DPYD: variants seen among roughly 807,000 people sequenced by gnomAD.
DPYD encodes the protein dihydropyrimidine dehydrogenase [NADP(+)].
Under a neutral mutation model 116.2 loss-of-function variants are expected in DPYD, and 109 were observed. The observed-to-expected ratio is 0.94, with a 90% confidence interval of 0.80 to 1.10. The LOEUF is 1.10. Among genes scored for constraint, DPYD ranks in the 50% least tolerant of loss-of-function variants. The pLI, the probability that DPYD is intolerant of heterozygous loss-of-function variation, is 0.00. For synonymous variants in DPYD, 440 were observed against 432.0 expected, an observed-to-expected ratio of 1.02 and a Z score of -0.23; for missense variants, 1,302 against 1,254.5, an observed-to-expected ratio of 1.04 and a Z score of -0.57.
chr1:97,381,910 C>T lies in DPYD; in HGVS notation c.1974+483G>A, dbSNP rs569333540. ...AGTGTTCCATTCAGGAGCATTCTGT[C>T]CCGCTCTTTTATGCATGTCTGTATT... On this transcript the variant is annotated intron_variant, in intron 15 of 22. Coordinates refer to ENST00000370192, the MANE Select transcript of DPYD (RefSeq NM_000110.4). Among the ~76,000 whole-genome samples the T allele has an allele frequency of 1.2e-3, 180 of 152,266 alleles. 1 individual carries two copies. The highest frequency in any genetic ancestry group is 4.2e-3 in the African/African-American group (176 of 41,558).
At chr1:97,486,607 C>T (rs1346767888) in intron 13 of DPYD, among the ~76,000 whole-genome samples, 1 of 152,118 alleles carries the variant, frequency 6.6e-6, no homozygotes, top group Non-Finnish European at 1.5e-5. Context: ...AATCCTTCAA[C>T]TTTAATGATT....
At chr1:97,495,646 T>A (rs1223350525) in intron 13 of DPYD, among the ~76,000 whole-genome samples, 2 of 152,044 alleles carry the variant, frequency 1.3e-5, no homozygotes, top group African/African-American at 4.8e-5. Context: ...ATGACACACA[T>A]CATTATCATT....
At chr1:97,905,605 A>G (rs951075601) in intron 1 of DPYD, among the ~76,000 whole-genome samples, 2 of 152,064 alleles carry the variant, frequency 1.3e-5, no homozygotes, top group Non-Finnish European at 2.9e-5. Flanking sequence ...GTCATTTGAC[A>G]TGATGTAGAG....
chr1:97,429,208 G>A (rs1349231425), intron 14 of DPYD, among the ~76,000 whole-genome samples: 5 of 151,982 alleles, frequency 3.3e-5, no homozygotes, highest in African/African-American at 1.2e-4. Flanking sequence ...AGTTAATGAA[G>A]AATTATCATT....
rs1343221643 is a variant in DPYD at position 97,232,674 on chromosome 1, T to C, written c.2442+2178A>G. 2.0e-5 allele frequency among the ~76,000 whole-genome samples: 3 copies of C among 152,182 alleles called. No homozygotes were observed. In the East Asian group the frequency reaches 5.8e-4, roughly 29 times the overall value. On this transcript the variant is annotated intron_variant, in intron 19 of 22. Transcript: ENST00000370192. ...ATCTTCTAGTTCACTGATTTTTTCT[T>C]CTGTTCTCTTATTTTACTATTGAGC...
intron 14 of DPYD, among the ~76,000 whole-genome samples, chr1:97,393,946 A>G (rs1457111088): frequency 2.0e-5 from 3 of 152,122 alleles, no homozygotes; most frequent in Admixed American, 1.3e-4. Context: ...TATCCTCTCC[A>G]GCACCTGTTG....
At chr1:97,872,135 T>C (rs1272009723) in intron 2 of DPYD, among the ~76,000 whole-genome samples, 1 of 151,882 alleles carries the variant, frequency 6.6e-6, no homozygotes, top group African/African-American at 2.4e-5. Context: ...TACTGACAAC[T>C]GAGCTCTTTG....
intron 12 of DPYD, among the ~76,000 whole-genome samples, chr1:97,541,446 C>T (rs1291144712): frequency 2.0e-5 from 3 of 151,974 alleles, no homozygotes; most frequent in Non-Finnish European, 4.4e-5. Flanking sequence ...GTATGATTCT[C>T]GAAGGTCTTG....
chr1:97,683,413 A>G (rs1660533901), intron 7 of DPYD, among the ~76,000 whole-genome samples: 1 of 151,806 alleles, frequency 6.6e-6, no homozygotes, highest in Non-Finnish European at 1.5e-5. Flanking sequence ...CCTCTATTAG[A>G]TATTTCATCT....
rs914014668 is a variant in DPYD, at chr1:97,426,179, A to G, written c.1905+23880T>C. Among the ~76,000 whole-genome samples the G allele has an allele frequency of 4.6e-5, 7 of 152,086 alleles. No homozygotes were observed. In the East Asian group the frequency reaches 1.2e-3, roughly 25 times the overall value. ...GAGGTACGAGGCAAGAGGTCATGAAATTGTTAAAAGTACACGTGGTGGGAG... is the reference window on the plus strand; with the variant it reads ...GAGGTACGAGGCAAGAGGTCATGAAGTTGTTAAAAGTACACGTGGTGGGAG... On this transcript the variant is annotated intron_variant, in intron 14 of 22. Transcript: ENST00000370192.
At position 97,349,579 on chromosome 1, in the gene DPYD, G is replaced by A. The variant is rs570387569; in HGVS notation, c.2058+23982C>T. 1.1e-4 allele frequency among the ~76,000 whole-genome samples: 16 copies of A among 152,112 alleles called. No individual in the cohort carries two copies. The South Asian group carries it at 3.3e-3, about 32-fold the overall frequency. The stretch of plus-strand genomic sequence containing the variant: ...TTCTCATTGTTCAATTCCCACCTAT[G>A]AGTGAGAAAATGCGGTGTTTGGTTT... On this transcript the variant is annotated intron_variant, in intron 16 of 22. Transcript: ENST00000370192.
intron 16 of DPYD, among the ~76,000 whole-genome samples, chr1:97,337,816 T>C (rs1288690788): frequency 6.6e-6 from 1 of 152,158 alleles, no homozygotes; most frequent in East Asian, 1.9e-4. Context: ...TTTAACTATG[T>C]TAACATTTAT....
intron 5 of DPYD, among the ~76,000 whole-genome samples, chr1:97,702,732 C>T (rs768749511): frequency 4.6e-5 from 7 of 151,952 alleles, no homozygotes; most frequent in Non-Finnish European, 5.9e-5. Flanking sequence ...TGAACAAATT[C>T]TAGCTAATGG....
chr1:97,102,396 C>CATATATATATATATATAT (rs372249411), intron 20 of DPYD, among the ~76,000 whole-genome samples: 1,799 of 97,026 alleles, frequency 0.019, 73 homozygotes, highest in East Asian at 0.035. Flanking sequence ...CACTCAGTAT[C>CATATATATATATATATAT]ATATATATAT....
intron 11 of DPYD, among the ~76,000 whole-genome samples, chr1:97,560,712 T>A (rs1190091962): frequency 6.6e-6 from 1 of 152,132 alleles, no homozygotes; most frequent in Non-Finnish European, 1.5e-5. Context: ...AAGTGAACTA[T>A]ATGATAGTGA....
chr1:97,458,126 G>A (rs181855676), intron 13 of DPYD, among the ~76,000 whole-genome samples: 40 of 152,274 alleles, frequency 2.6e-4, no homozygotes, highest in African/African-American at 7.2e-4. Flanking sequence ...AGCTGTGAAG[G>A]TGTAAGCATG....
intron 3 of DPYD, among the ~76,000 whole-genome samples, chr1:97,760,189 G>A (rs1665494966): frequency 6.6e-6 from 1 of 152,126 alleles, no homozygotes; most frequent in Admixed American, 6.6e-5. Context: ...TAGCTGGAAT[G>A]AAATTCTAGT....
chr1:97,442,165 T>C (rs1033182267), intron 14 of DPYD, among the ~76,000 whole-genome samples: 6 of 152,056 alleles, frequency 3.9e-5, no homozygotes, highest in Non-Finnish European at 7.4e-5. Context: ...TGTAGCTCTC[T>C]GCTTTCTGTA....
intron 2 of DPYD, among the ~76,000 whole-genome samples, chr1:97,866,576 A>G (rs138291811): frequency 1.5e-4 from 23 of 152,014 alleles, no homozygotes; most frequent in African/African-American, 5.3e-4. Flanking sequence ...TGACTAAGCT[A>G]CTGCTCTCAG....
Sources: allele counts gnomAD v4.1 joint callset (sites outside exome capture counted in the v4.1 genomes callset), GRCh38; gene constraint gnomAD v4.1.1; transcripts MANE v1.5; gene names NCBI Gene and HGNC (gene_info 2026-07-23, HGNC 2026-07-21).